Variants in SMYD3 observed in about 807,000 individuals in gnomAD.
The protein encoded by SMYD3 is SET and MYND domain containing 3.
Under a neutral mutation model 57.7 loss-of-function variants are expected in SMYD3, and 36 were observed. That is an observed-to-expected ratio of 0.62 (90% CI 0.48 to 0.82). SMYD3 has a LOEUF of 0.82. SMYD3 is among the 40% of genes least tolerant of loss of function. The pLI is 0.00. For missense variants in SMYD3, 515 were observed against 538.8 expected, an observed-to-expected ratio of 0.96 and a Z score of 0.44; for synonymous variants, 211 against 195.0, an observed-to-expected ratio of 1.08 and a Z score of -0.68.
chr1:245,882,178 GA>G (rs1351053832), intron 8 of SMYD3, among the ~76,000 whole-genome samples: 1 of 152,178 alleles, frequency 6.6e-6, no homozygotes, highest in Non-Finnish European at 1.5e-5. Context: ...ACACTCACAG[GA>G]TTATACATGT....
At chr1:245,868,983 G>GT (rs1299219011) in intron 8 of SMYD3, among the ~76,000 whole-genome samples, 5 of 152,062 alleles carry the variant, frequency 3.3e-5, no homozygotes, top group Admixed American at 6.6e-5. Flanking sequence ...GTAAATTACT[G>GT]TTTTTTATCA....
In SMYD3 at chr1:245,884,490, C is replaced by A. The variant is rs535380838; in HGVS notation, c.814-20604G>T. On this transcript the variant is annotated intron_variant, in intron 8 of 11. Coordinates refer to ENST00000490107, the MANE Select transcript of SMYD3 (RefSeq NM_001167740.2). ...AGGCAGTGTCTGATTTACATAGGGC[C>A]TGAGAGATTGGGTGGACCAGGTGTG... is the stretch of plus-strand genomic sequence containing the variant. Among the ~76,000 whole-genome samples, 5 of 152,142 alleles carry A rather than the reference C, an allele frequency of 3.3e-5. No individual in the cohort carries two copies. In the East Asian group the frequency reaches 9.7e-4, roughly 30 times the overall value.
intron 5 of SMYD3, among the ~76,000 whole-genome samples, chr1:246,141,306 A>T (rs1398388468): frequency 6.6e-6 from 1 of 152,224 alleles, no homozygotes; most frequent in Non-Finnish European, 1.5e-5. Flanking sequence ...TCTGCAAAAG[A>T]TCTAGCAGGA....
chr1:246,335,417 T>C lies in SMYD3; in HGVS notation c.286A>G (p.Arg96Gly). ...ECKCLKSCKPRYPPDSVRLLG... is the reference protein window; with the variant it reads ...ECKCLKSCKPGYPPDSVRLLG... Reference sequence around the variant, plus strand: ...AGTCGAACGGAGTCTGGAGGATATCTGGGTTTGCAGCTTTTAAGGCATTTG... The same window carrying C: ...AGTCGAACGGAGTCTGGAGGATATCCGGGTTTGCAGCTTTTAAGGCATTTG... The change falls in exon 3 of 12, where the codon AGA (arginine) becomes GGA (glycine). Residue 96 changes from arginine (R) to glycine (G), a missense_variant. Transcript: ENST00000490107. 2 of 1,614,200 alleles carry C rather than the reference T, an allele frequency of 1.2e-6. No homozygotes were observed. The highest frequency in any genetic ancestry group is 4.5e-5 in the East Asian group (2 of 44,884).
intron 10 of SMYD3, among the ~76,000 whole-genome samples, chr1:245,772,060 G>A (rs555136309): frequency 8.5e-5 from 13 of 152,274 alleles, no homozygotes; most frequent in African/African-American, 2.6e-4. Context: ...GATCAGGGCC[G>A]TGAATTCTTG....
At chr1:246,500,136 T>C (rs925594212) in intron 1 of SMYD3, among the ~76,000 whole-genome samples, 1 of 152,202 alleles carries the variant, frequency 6.6e-6, no homozygotes, top group African/African-American at 2.4e-5. Flanking sequence ...CTCTCAACCA[T>C]TCTTCTTTGT....
chr1:245,867,672 A>G (rs955800329), intron 8 of SMYD3, among the ~76,000 whole-genome samples: 1 of 151,512 alleles, frequency 6.6e-6, no homozygotes, highest in African/African-American at 2.4e-5. Flanking sequence ...GCGCGCGCAC[A>G]CACACACACA....
At chr1:246,408,652 C>G (rs550219172) in intron 1 of SMYD3, among the ~76,000 whole-genome samples, 1 of 147,444 alleles carries the variant, frequency 6.8e-6, no homozygotes, top group South Asian at 2.1e-4. Flanking sequence ...ATCCCTATCT[C>G]AGAAGCAAGT....
intron 5 of SMYD3, among the ~76,000 whole-genome samples, chr1:246,138,614 A>G (rs2061702706): frequency 1.4e-5 from 2 of 142,624 alleles, no homozygotes; most frequent in African/African-American, 4.9e-5. Flanking sequence ...TTTAGTAGAG[A>G]CGGGGTTTCA....
chr1:245,930,490 A>G, intron 5 of SMYD3: 1 of 282,982 alleles, frequency 3.5e-6, no homozygotes, highest in South Asian at 3.8e-5. Context: ...GGTATTTACC[A>G]GGAGTCCATC....
chr1:246,230,337 G>C (rs116732580), intron 5 of SMYD3, among the ~76,000 whole-genome samples: 1 of 143,426 alleles, frequency 7.0e-6, no homozygotes, highest in South Asian at 2.5e-4. Flanking sequence ...ATCTGCAATC[G>C]CTCACCAGAA....
chr1:246,284,688 T>C (rs1001958919), intron 5 of SMYD3, among the ~76,000 whole-genome samples: 4 of 152,180 alleles, frequency 2.6e-5, no homozygotes, highest in South Asian at 4.1e-4. Flanking sequence ...AGTGCTGGGA[T>C]TACAGGCATG....
At chr1:246,336,722 C>G (rs1030312446) in intron 2 of SMYD3, among the ~76,000 whole-genome samples, 10 of 152,134 alleles carry the variant, frequency 6.6e-5, no homozygotes, top group African/African-American at 2.2e-4. Flanking sequence ...TATTATCCCT[C>G]TATTACAAAT....
rs565851109 is a variant in SMYD3, at chr1:246,067,109, T to C, written c.532-137172A>G. On this transcript the variant is annotated intron_variant, in intron 5 of 11. Transcript: ENST00000490107. The stretch of plus-strand genomic sequence containing the variant: ...TACCACCATTTGATGACAATCTAGT[T>C]TAATAAAGATAGAGCTAAAAGAATA... 2.0e-5 allele frequency among the ~76,000 whole-genome samples: 3 copies of C among 152,322 alleles called. No homozygotes were observed. In the Middle Eastern group the frequency reaches 0.01, roughly 518 times the overall value.
chr1:246,373,465 CATT>C (rs140748019), intron 1 of SMYD3, among the ~76,000 whole-genome samples: 358 of 152,144 alleles, frequency 2.4e-3, no homozygotes, highest in South Asian at 6.6e-3. Flanking sequence ...TTCTAACTGG[CATT>C]AGCTACAAAG....
chr1:245,871,736 G>A (rs147709346), intron 8 of SMYD3, among the ~76,000 whole-genome samples: 6 of 152,242 alleles, frequency 3.9e-5, no homozygotes, highest in African/African-American at 1.4e-4. Context: ...CAGTGGTAAC[G>A]ATTCTCTAAG....
At chr1:245,752,517 A>G (rs2045433045) in intron 11 of SMYD3, among the ~76,000 whole-genome samples, 1 of 152,230 alleles carries the variant, frequency 6.6e-6, no homozygotes, top group South Asian at 2.1e-4. Flanking sequence ...GTTCACTGGC[A>G]TGCTTTGAAC....
chr1:245,854,786 C>T (rs756255016), intron 10 of SMYD3, among the ~76,000 whole-genome samples: 7 of 151,922 alleles, frequency 4.6e-5, no homozygotes, highest in Non-Finnish European at 7.4e-5. Flanking sequence ...GAAGAGCCCA[C>T]GTGAACAGTT....
rs1028524363 is a variant in SMYD3, at chr1:246,202,748, T to C, written c.531+124453A>G. Among the ~76,000 whole-genome samples, 13 of 152,238 alleles carry C rather than the reference T, an allele frequency of 8.5e-5. No individual in the cohort carries two copies. The highest frequency in any genetic ancestry group is 1.6e-4 in the Non-Finnish European group (11 of 68,042). On this transcript the variant is annotated intron_variant, in intron 5 of 11. Transcript: ENST00000490107. This position sits in a 1 kb window ranked among gnomAD's most constrained non-coding sequence, Gnocchi z 4.1. Reference sequence around the variant, plus strand: ...TATGATACCTGCTTATGCATAAGCCTAAAGCCTCCATGGCTAGTGAGAGAA... The same window carrying C: ...TATGATACCTGCTTATGCATAAGCCCAAAGCCTCCATGGCTAGTGAGAGAA...
Sources: allele counts gnomAD v4.1 joint callset (sites outside exome capture counted in the v4.1 genomes callset), GRCh38; gene constraint gnomAD v4.1.1; non-coding constraint Gnocchi (gnomAD v3.1); transcripts MANE v1.5; gene names NCBI Gene and HGNC (gene_info 2026-07-23, HGNC 2026-07-21).